Variants in CNTN4 observed in about 807,000 individuals in gnomAD.
The protein encoded by CNTN4 is contactin 4, also known as contactin-4.
CNTN4 carries 77 observed loss-of-function variants against 122.5 expected under a neutral mutation model. That is an observed-to-expected ratio of 0.63 (90% CI 0.52 to 0.76). The LOEUF (loss-of-function observed/expected upper bound fraction) is 0.76. Among genes scored for constraint, CNTN4 ranks in the 30% least tolerant of loss-of-function variants. The probability of loss-of-function intolerance (pLI) is 0.00; values close to 1 mark genes in which losing one functional copy is unlikely to be tolerated. For missense variants in CNTN4, 1,256 were observed against 1,259.1 expected, an observed-to-expected ratio of 1.00 and a Z score of 0.04; for synonymous variants, 512 against 447.0, an observed-to-expected ratio of 1.15 and a Z score of -1.83.
intron 4 of CNTN4, among the ~76,000 whole-genome samples, chr3:2,654,122 C>G (rs2083477126): frequency 6.6e-6 from 1 of 152,154 alleles, no homozygotes; most frequent in African/African-American, 2.4e-5. Context: ...GCTGTGTTTC[C>G]CTTCAGGGGA....
At chr3:2,208,469 G>C (rs889259248) in intron 2 of CNTN4, among the ~76,000 whole-genome samples, 2 of 152,120 alleles carry the variant, frequency 1.3e-5, no homozygotes, top group Non-Finnish European at 2.9e-5. Context: ...AGCAAACAAA[G>C]TGATTTTCTG....
chr3:2,485,602 C>T (rs886173558), intron 3 of CNTN4, among the ~76,000 whole-genome samples: 14 of 152,030 alleles, frequency 9.2e-5, no homozygotes, highest in Non-Finnish European at 1.9e-4. Context: ...CCAATCAGCA[C>T]TCTGTATCTA....
chr3:2,451,047 C>G (rs947098036), intron 3 of CNTN4, among the ~76,000 whole-genome samples: 1 of 152,106 alleles, frequency 6.6e-6, no homozygotes, highest in Non-Finnish European at 1.5e-5. Context: ...GAAGACTACT[C>G]AATTACTTTT....
At chr3:2,732,548 G>A (rs1020195932) in intron 4 of CNTN4, among the ~76,000 whole-genome samples, 6 of 151,540 alleles carry the variant, frequency 4.0e-5, no homozygotes, top group Admixed American at 3.3e-4. Flanking sequence ...CTTTGAAAAC[G>A]GTAAATGCAG....
At chr3:2,288,763 T>A (rs530025513) in intron 2 of CNTN4, among the ~76,000 whole-genome samples, 1 of 152,236 alleles carries the variant, frequency 6.6e-6, no homozygotes, top group Non-Finnish European at 1.5e-5. Flanking sequence ...GAAATCAGAA[T>A]GAAAGAAAAC....
chr3:2,971,157 G>C (rs113011730), intron 13 of CNTN4, among the ~76,000 whole-genome samples: 1 of 152,146 alleles, frequency 6.6e-6, no homozygotes, highest in African/African-American at 2.4e-5. Flanking sequence ...AGAATATATT[G>C]ACTGTTTATT....
At position 2,652,025 on chromosome 3, in the gene CNTN4, T is replaced by G. The variant is rs2083387037; in HGVS notation, c.55+80467T>G. 1.3e-5 allele frequency among the ~76,000 whole-genome samples: 2 copies of G among 152,008 alleles called. 1 individual carries two copies. Among genetic ancestry groups the G allele is most frequent in the South Asian group, 4.1e-4 (2 of 4,824 alleles). ...CCTGGCCAAAAAAAAGGTGTTGTTTTTTTTTTTTTAAATAGCCAGGTATGG... is the reference window on the plus strand; with the variant it reads ...CCTGGCCAAAAAAAAGGTGTTGTTTGTTTTTTTTTAAATAGCCAGGTATGG... On this transcript the variant is annotated intron_variant, in intron 4 of 24. Coordinates refer to ENST00000418658, the MANE Select transcript of CNTN4 (RefSeq NM_175607.3).
intron 4 of CNTN4, among the ~76,000 whole-genome samples, chr3:2,659,546 C>G (rs1245569134): frequency 6.6e-6 from 1 of 151,120 alleles, no homozygotes; most frequent in African/African-American, 2.4e-5. Context: ...TAGGTATTAC[C>G]CTAGTCTGCA....
chr3:2,790,077 A>G (rs1559506284), intron 6 of CNTN4, among the ~76,000 whole-genome samples: 2 of 152,210 alleles, frequency 1.3e-5, no homozygotes, highest in Admixed American at 1.3e-4. Flanking sequence ...GCATAATTTC[A>G]CTTCTTATTT....
chr3:2,743,912 G>C (rs532856478), intron 5 of CNTN4, among the ~76,000 whole-genome samples: 1 of 152,112 alleles, frequency 6.6e-6, no homozygotes, highest in East Asian at 1.9e-4. Context: ...CCAGGTTCAA[G>C]TGGTCCTCCC....
At chr3:2,365,925 C>T (rs1193495411) in intron 3 of CNTN4, among the ~76,000 whole-genome samples, 4 of 152,254 alleles carry the variant, frequency 2.6e-5, no homozygotes, top group Admixed American at 2.6e-4. Context: ...GCCTCAAATA[C>T]GGTTTTCCTA....
At chr3:2,620,315 C>T (rs2081945211) in intron 4 of CNTN4, among the ~76,000 whole-genome samples, 1 of 151,974 alleles carries the variant, frequency 6.6e-6, no homozygotes, top group Non-Finnish European at 1.5e-5. Context: ...GCCTGGGCAA[C>T]ACAGCAAAAC....
At chr3:2,766,895 T>G (rs2090885927) in intron 6 of CNTN4, among the ~76,000 whole-genome samples, 1 of 152,176 alleles carries the variant, frequency 6.6e-6, no homozygotes, top group African/African-American at 2.4e-5. Flanking sequence ...CTGGAAGTTG[T>G]GTGACAAAGT....
chr3:2,486,106 A>C (rs781249313), intron 3 of CNTN4, among the ~76,000 whole-genome samples: 1 of 152,024 alleles, frequency 6.6e-6, no homozygotes, highest in African/African-American at 2.4e-5. Flanking sequence ...CCACGAACCC[A>C]CTGGGAGGAA....
intron 2 of CNTN4, among the ~76,000 whole-genome samples, chr3:2,152,419 G>C (rs1490306624): frequency 6.6e-6 from 1 of 152,152 alleles, no homozygotes; most frequent in Non-Finnish European, 1.5e-5. Context: ...CTAGACTGGG[G>C]AGGGGTGGAG....
intron 4 of CNTN4, among the ~76,000 whole-genome samples, chr3:2,655,829 G>A (rs2083564995): frequency 6.6e-6 from 1 of 152,138 alleles, no homozygotes; most frequent in South Asian, 2.1e-4. Context: ...GGATTACCAA[G>A]ACTGTTTTGA....
chr3:2,324,878 G>A (rs1014731101), intron 2 of CNTN4, among the ~76,000 whole-genome samples: 1 of 151,936 alleles, frequency 6.6e-6, no homozygotes. Context: ...CAAAAGCAGA[G>A]ATGCTTTATT....
intron 9 of CNTN4, among the ~76,000 whole-genome samples, chr3:2,886,513 CTT>C (rs200813621): frequency 9.5e-5 from 13 of 136,818 alleles, no homozygotes; most frequent in Admixed American, 7.3e-5. Flanking sequence ...AGATAGATCA[CTT>C]TTTTTTTTTT....
In CNTN4 at chr3:2,768,883, C is replaced by G. The variant is rs1337775996; in HGVS notation, c.358+23186C>G. 5.3e-5 allele frequency among the ~76,000 whole-genome samples: 8 copies of G among 152,214 alleles called. No individual in the cohort carries two copies. The East Asian group carries it at 1.5e-3, about 29-fold the overall frequency. On this transcript the variant is annotated intron_variant, in intron 6 of 24. Transcript: ENST00000418658. ...TCTTACACATGTAGAATGTGAAGCT[C>G]AGAAATAGGAAGTGACTTCCTCAAG... is the stretch of plus-strand genomic sequence containing the variant.
Sources: gnomAD v4.1 joint callset for allele counts (sites outside exome capture counted in the v4.1 genomes callset) on GRCh38, gnomAD v4.1.1 for gene constraint, MANE v1.5 for transcripts, NCBI Gene and HGNC (gene_info 2026-07-23, HGNC 2026-07-21) for gene names.